The following SPAG16 variants were observed in gnomAD, a reference collection of about 807,000 sequenced individuals.
SPAG16 encodes the protein sperm-associated antigen 16 protein.
SPAG16 carries 86 observed loss-of-function variants against 80.4 expected under a neutral mutation model. The ratio of observed to expected loss-of-function variants is 1.07; its 90% CI spans 0.90 to 1.28. The LOEUF (loss-of-function observed/expected upper bound fraction) is 1.28. Among genes scored for constraint, SPAG16 ranks in the 50% most tolerant of loss-of-function variants. The pLI is 0.00. For missense variants in SPAG16, 870 were observed against 765.3 expected, an observed-to-expected ratio of 1.14 and a Z score of -1.61; for synonymous variants, 294 against 265.9, an observed-to-expected ratio of 1.11 and a Z score of -1.03.
At chr2:213,393,991 A>G (rs1271561536) in intron 9 of SPAG16, among the ~76,000 whole-genome samples, 2 of 152,068 alleles carry the variant, frequency 1.3e-5, no homozygotes. Flanking sequence ...GATCAATTCT[A>G]TTAATGCGGA....
chr2:213,965,003 G>C (rs949583692), intron 12 of SPAG16, among the ~76,000 whole-genome samples: 1 of 152,070 alleles, frequency 6.6e-6, no homozygotes, highest in Non-Finnish European at 1.5e-5. Flanking sequence ...CATTTTCTTT[G>C]CCTGTGTATG....
chr2:213,915,251 G>A (rs572134853), intron 11 of SPAG16, among the ~76,000 whole-genome samples: 34 of 152,082 alleles, frequency 2.2e-4, no homozygotes, highest in Non-Finnish European at 2.6e-4. Flanking sequence ...TCTACATTAG[G>A]TATTTCTTCT....
intron 15 of SPAG16, among the ~76,000 whole-genome samples, chr2:214,162,887 T>C (rs2056499903): frequency 6.6e-6 from 1 of 152,140 alleles, no homozygotes; most frequent in African/African-American, 2.4e-5. Flanking sequence ...AAGTTCATCT[T>C]CTATGCAAAT....
chr2:213,697,584 T>C (rs2065213805), intron 10 of SPAG16, among the ~76,000 whole-genome samples: 1 of 152,214 alleles, frequency 6.6e-6, no homozygotes, highest in Non-Finnish European at 1.5e-5. Flanking sequence ...CAACTGTCCT[T>C]ATAAGAGGAA....
At chr2:214,012,448 G>A (rs6726871) in intron 12 of SPAG16, among the ~76,000 whole-genome samples, 84,672 of 150,284 alleles carry the variant, frequency 0.56, 25,804 homozygotes, top group African/African-American at 0.8. Flanking sequence ...GGCATATGCC[G>A]CCACGTCAGG....
chr2:213,857,956 T>C (rs906130612), intron 10 of SPAG16, among the ~76,000 whole-genome samples: 3 of 152,178 alleles, frequency 2.0e-5, no homozygotes, highest in Non-Finnish European at 4.4e-5. Context: ...GTGATAGAAA[T>C]AGCAAAAGAA....
intron 7 of SPAG16, among the ~76,000 whole-genome samples, chr2:213,363,856 A>G (rs1238066133): frequency 6.6e-6 from 1 of 152,140 alleles, no homozygotes; most frequent in African/African-American, 2.4e-5. Flanking sequence ...TCAGATGCTT[A>G]CCTAAAATAA....
chr2:214,191,946 T>C (rs2057680315), intron 15 of SPAG16, among the ~76,000 whole-genome samples: 1 of 151,848 alleles, frequency 6.6e-6, no homozygotes, highest in African/African-American at 2.4e-5. Flanking sequence ...ATTAGTTTCT[T>C]ATTCAAGCAG....
At chr2:213,766,476 G>T (rs1351784194) in intron 10 of SPAG16, among the ~76,000 whole-genome samples, 1 of 152,178 alleles carries the variant, frequency 6.6e-6, no homozygotes, top group African/African-American at 2.4e-5. Context: ...AATTAAAAAA[G>T]AGCTGAACTT....
chr2:214,312,192 T>C (rs1402220904), intron 15 of SPAG16, among the ~76,000 whole-genome samples: 1 of 152,194 alleles, frequency 6.6e-6, no homozygotes, highest in East Asian at 1.9e-4. Context: ...TGATAAATCT[T>C]CTAAATTCAA....
chr2:213,671,739 G>C (rs1431682100), intron 10 of SPAG16, among the ~76,000 whole-genome samples: 2 of 152,114 alleles, frequency 1.3e-5, no homozygotes, highest in Non-Finnish European at 2.9e-5. Flanking sequence ...TTATGGCCAG[G>C]GTGCTGCAGG....
chr2:214,292,880 C>A (rs987152636), intron 15 of SPAG16, among the ~76,000 whole-genome samples: 1 of 151,944 alleles, frequency 6.6e-6, no homozygotes, highest in African/African-American at 2.4e-5. Context: ...TGAGTGCATG[C>A]GATATTGTAG....
At chr2:213,919,482 G>A (rs949645088) in intron 11 of SPAG16, among the ~76,000 whole-genome samples, 2 of 152,084 alleles carry the variant, frequency 1.3e-5, no homozygotes, top group African/African-American at 4.8e-5. Context: ...TTGGTATGTT[G>A]TGTCTTGGTT....
At chr2:213,949,592 A>G (rs1432295870) in intron 12 of SPAG16, among the ~76,000 whole-genome samples, 1 of 152,190 alleles carries the variant, frequency 6.6e-6, no homozygotes, top group Non-Finnish European at 1.5e-5. Context: ...TGGTATTGTG[A>G]GGTCTTTGGT....
At chr2:213,312,698 A>G (rs1233045116) in intron 4 of SPAG16, among the ~76,000 whole-genome samples, 4 of 151,832 alleles carry the variant, frequency 2.6e-5, no homozygotes, top group East Asian at 1.9e-4. Context: ...TAATAGTACA[A>G]TTATTTATAA....
chr2:213,824,656 T>TCAG (rs2073160719), intron 10 of SPAG16, among the ~76,000 whole-genome samples: 1 of 152,192 alleles, frequency 6.6e-6, no homozygotes, highest in Admixed American at 6.6e-5. Context: ...TGTAGTATAG[T>TCAG]TTGAAGTCAG....
At chr2:213,820,334 C>G (rs1362660632) in intron 10 of SPAG16, among the ~76,000 whole-genome samples, 1 of 151,804 alleles carries the variant, frequency 6.6e-6, no homozygotes, top group African/African-American at 2.4e-5. Flanking sequence ...GTTTGTATTT[C>G]TTTATTGATT....
At chr2:213,658,589 G>A (rs2063305981) in intron 10 of SPAG16, among the ~76,000 whole-genome samples, 1 of 152,140 alleles carries the variant, frequency 6.6e-6, no homozygotes, top group Non-Finnish European at 1.5e-5. Context: ...TTATAGGTGA[G>A]GCAACTGAGG....
intron 13 of SPAG16, among the ~76,000 whole-genome samples, chr2:214,051,733 A>G (rs1005498687): frequency 6.6e-6 from 1 of 152,312 alleles, no homozygotes; most frequent in Admixed American, 6.5e-5. Context: ...AAGAATACTG[A>G]CATACCCATG....
Sources: allele counts gnomAD v4.1 joint callset (sites outside exome capture counted in the v4.1 genomes callset), GRCh38; gene constraint gnomAD v4.1.1; transcripts MANE v1.5; gene names NCBI Gene and HGNC (gene_info 2026-07-23, HGNC 2026-07-21).